Variants in AXIN1 observed in about 807,000 individuals in gnomAD.
AXIN1 encodes the protein axin 1.
In AXIN1, 30 loss-of-function variants were observed where a neutral mutation model predicts 76.4. The ratio of observed to expected loss-of-function variants is 0.39; its 90% confidence interval spans 0.29 to 0.53. The LOEUF is 0.53. AXIN1 is among the 20% of genes least tolerant of loss of function. The pLI is 0.66. For missense variants in AXIN1, 1,140 were observed against 1,198.8 expected (o/e 0.95, Z 0.72); for synonymous variants, 545 against 501.4 (o/e 1.09, Z -1.16).
intron 2 of AXIN1, among the ~76,000 whole-genome samples, chr16:322,166 G>T (rs999162326): frequency 1.3e-5 from 2 of 152,336 alleles, no homozygotes; most frequent in South Asian, 4.1e-4. Flanking sequence ...TGCCGCAGGC[G>T]TGAGGCTGGG....
rs1453519859 is a variant in AXIN1, at chr16:339,678, T to C, written c.878+6470A>G. ...ACCTGTGTGACAGAGCAAGACTGTC[T>C]AAAAAAAAAAAAAAATTCTCTTCAG... On this transcript the variant is annotated intron_variant, in intron 2 of 10. Coordinates refer to ENST00000262320, the MANE Select transcript of AXIN1 (RefSeq NM_003502.4). 2.9e-5 allele frequency among the ~76,000 whole-genome samples: 4 copies of C among 137,338 alleles called. No homozygotes were observed. In the South Asian group the frequency reaches 9.3e-4, roughly 32 times the overall value. The allele number at this position is 137,338 out of a possible 152,430, so 90.1% of individuals were successfully genotyped here.
At chr16:351,093 T>C (rs1023652508) in intron 1 of AXIN1, among the ~76,000 whole-genome samples, 1 of 147,596 alleles carries the variant, frequency 6.8e-6, no homozygotes, top group Non-Finnish European at 1.5e-5. Context: ...GATCACGCCA[T>C]TGGACTCCAG....
intron 6 of AXIN1, 70 bp from the exon 7 acceptor site, chr16:297,296 A>C (rs2141505239): frequency 1.3e-6 from 2 of 1,588,138 alleles, no homozygotes; most frequent in Non-Finnish European, 1.7e-6. Flanking sequence ...CTCGTCTGCG[A>C]GGCCCCCTCC....
chr16:337,486 T>G (rs561739292), intron 2 of AXIN1, among the ~76,000 whole-genome samples: 16 of 95,942 alleles, frequency 1.7e-4, no homozygotes, highest in Middle Eastern at 6.0e-3. Flanking sequence ...AGATCCAGAG[T>G]GGGTCAAAAC....
intron 10 of AXIN1, among the ~76,000 whole-genome samples, chr16:288,714 G>T (rs1022941973): frequency 1.3e-5 from 2 of 152,240 alleles, no homozygotes; most frequent in African/African-American, 4.8e-5. Flanking sequence ...TCTGCTCACC[G>T]CCCAGTGCTC....
chr16:297,527 CT>C (rs1441327077), intron 6 of AXIN1, among the ~76,000 whole-genome samples, 194 bp downstream of exon 6: 1 of 152,152 alleles, frequency 6.6e-6, no homozygotes, highest in Non-Finnish European at 1.5e-5. Flanking sequence ...GCTGTGTCCC[CT>C]AACCTTCATC....
intron 7 of AXIN1, among the ~76,000 whole-genome samples, chr16:294,460 CAAAAAAAA>C (rs35746106): frequency 4.1e-5 from 2 of 48,288 alleles, no homozygotes; most frequent in Non-Finnish European, 7.5e-5. Flanking sequence ...GACTCCATCT[CAAAAAAAA>C]AAAAAAAAAA....
At chr16:341,855 C>A (rs1398141071) in intron 2 of AXIN1, among the ~76,000 whole-genome samples, 1 of 152,234 alleles carries the variant, frequency 6.6e-6, no homozygotes, top group African/African-American at 2.4e-5. Context: ...CCAATCGACA[C>A]TCTGTATCTA....
intron 2 of AXIN1, among the ~76,000 whole-genome samples, chr16:334,355 C>A (rs1437230252): frequency 6.6e-6 from 1 of 151,016 alleles, no homozygotes; most frequent in African/African-American, 2.4e-5. Flanking sequence ...AGTACCACAA[C>A]ACACCAATAA....
chr16:297,341 C>T (rs1292535507), intron 6 of AXIN1, 115 bp from the exon 7 acceptor site: 2 of 1,362,840 alleles, frequency 1.5e-6, no homozygotes, highest in Admixed American at 3.6e-5. Context: ...GCAGCCGCCG[C>T]CCGCTGTCCC....
intron 1 of AXIN1, among the ~76,000 whole-genome samples, chr16:350,481 G>C (rs1050255164): frequency 6.6e-6 from 1 of 152,212 alleles, no homozygotes; most frequent in African/African-American, 2.4e-5. Context: ...TCACCGCTTA[G>C]GCATATGCTC....
intron 2 of AXIN1, among the ~76,000 whole-genome samples, chr16:315,401 T>C (rs1238448781): frequency 6.6e-6 from 1 of 152,262 alleles, no homozygotes; most frequent in East Asian, 1.9e-4. Context: ...TTCTTGGTGA[T>C]TTACAGAAGT....
At chr16:313,213 A>G (rs112584072) in intron 3 of AXIN1, among the ~76,000 whole-genome samples, 10,189 of 152,296 alleles carry the variant, frequency 0.067, 481 homozygotes, top group Non-Finnish European at 0.11. Context: ...GCTGAGGCAG[A>G]ATTGCTTGGG....
chr16:323,364 A>C (rs1033046209), intron 2 of AXIN1, among the ~76,000 whole-genome samples: 13 of 144,246 alleles, frequency 9.0e-5, no homozygotes, highest in African/African-American at 2.9e-4. Context: ...GCGTGAACCC[A>C]GGAGGCAGAG....
intron 5 of AXIN1, among the ~76,000 whole-genome samples, chr16:302,096 C>T (rs1295971316): frequency 6.6e-6 from 1 of 152,232 alleles, no homozygotes; most frequent in Non-Finnish European, 1.5e-5. Context: ...TCAGGGCCAC[C>T]CCAGGAAGCA....
At chr16:323,785 C>T (rs2053517499) in intron 2 of AXIN1, among the ~76,000 whole-genome samples, 1 of 151,698 alleles carries the variant, frequency 6.6e-6, no homozygotes, top group Admixed American at 6.6e-5. Context: ...ACCACACACA[C>T]ACACACACAC....
At chr16:334,026 C>A (rs920677368) in intron 2 of AXIN1, among the ~76,000 whole-genome samples, 1 of 146,162 alleles carries the variant, frequency 6.8e-6, no homozygotes, top group Non-Finnish European at 1.5e-5. Context: ...GCACGCAGTA[C>A]CACAGCACCC....
intron 3 of AXIN1, among the ~76,000 whole-genome samples, chr16:310,405 T>C (rs546721841): frequency 6.6e-6 from 1 of 152,160 alleles, no homozygotes; most frequent in Non-Finnish European, 1.5e-5. Flanking sequence ...TTTTTTTTCT[T>C]CTTTTTTTTG....
chr16:297,922 G>C lies in AXIN1; in HGVS notation c.1584C>G (p.Gly528=), dbSNP rs1468208384. 5 of 1,598,656 alleles carry C rather than the reference G, an allele frequency of 3.1e-6. No homozygotes were observed. The highest frequency in any genetic ancestry group is 3.4e-6 in the Non-Finnish European group (4 of 1,172,250). The change falls in exon 6 of 11, where the codon GGC becomes GGG. Residue 528 remains glycine (G), a synonymous_variant. Transcript: ENST00000262320. ...GGTGGACGTGTCGGTGGTGGTGCAG[G>C]CCGGCCGCGTCCAGCTTCGCCCCTG... ...PKSGAKLDAA[G]LHHHRHVHHH...
Sources: allele counts gnomAD v4.1 joint callset (sites outside exome capture counted in the v4.1 genomes callset), GRCh38; gene constraint gnomAD v4.1.1; transcripts MANE v1.5; gene names NCBI Gene and HGNC (gene_info 2026-07-23, HGNC 2026-07-21).